The following KDM2B variants were observed in gnomAD, a reference collection of about 807,000 sequenced individuals.
KDM2B encodes the protein lysine-specific demethylase 2B.
Under a neutral mutation model 150.0 loss-of-function variants are expected in KDM2B, and 26 were observed. The observed-to-expected ratio is 0.17, with a 90% CI of 0.13 to 0.24. The LOEUF is 0.24. KDM2B is among the 10% of genes least tolerant of loss of function. KDM2B has a pLI of 1.00. For synonymous variants in KDM2B, 734 were observed against 729.5 expected (o/e 1.01, Z -0.10); for missense variants, 1,265 against 1,816.9 (o/e 0.70, Z 5.52).
chr12:121,444,652 T>G (rs1481703692), intron 14 of KDM2B, 116 bp from the exon 15 acceptor site: 2 of 812,682 alleles, frequency 2.5e-6, no homozygotes, highest in Non-Finnish European at 4.2e-6. Flanking sequence ...CAACGTCACA[T>G]CTATCCCGTT....
the KDM2B span, chr12:121,423,321 T>C: frequency 1.5e-6 from 2 of 1,360,024 alleles, no homozygotes; most frequent in Non-Finnish European, 1.0e-6. The surrounding 1 kb of genome is among the most constrained non-coding windows in gnomAD (Gnocchi z 4.3). Context: ...AGCTTCGGAC[T>C]GGGAGGGTGG....
intron 10 of KDM2B, among the ~76,000 whole-genome samples, chr12:121,511,275 C>T (rs1432121583): frequency 2.7e-5 from 4 of 146,400 alleles, no homozygotes; most frequent in African/African-American, 1.0e-4. Context: ...TCCCAAAATG[C>T]TAGGAATTTT....
rs782541016 is a variant in KDM2B, at chr12:121,580,834, C to CT, written c.77dup (p.Lys27GlufsTer10). On this transcript the variant is annotated frameshift_variant, in exon 1 of 23. Coordinates refer to ENST00000377071, the MANE Select transcript of KDM2B (RefSeq NM_032590.5). LOFTEE classifies it high-confidence loss of function. The stretch of plus-strand genomic sequence containing the variant: ...AGCATTTTGTATATATAACTGTTTT[C>CT]TTTTTTTGCTTTTCTGCTGCATGTC... The CT allele has an allele frequency of 3.1e-6, 5 of 1,614,012 alleles. No individual in the cohort carries two copies. The South Asian group carries it at 5.5e-5, about 18-fold the overall frequency.
intron 6 of KDM2B, among the ~76,000 whole-genome samples, chr12:121,538,199 C>A (rs1183664792): frequency 6.6e-6 from 1 of 152,036 alleles, no homozygotes; most frequent in East Asian, 1.9e-4. Flanking sequence ...CGGGAAGCAA[C>A]GCGGGCCGGC....
At chr12:121,482,459 C>G (rs1343649908) in intron 12 of KDM2B, among the ~76,000 whole-genome samples, 2 of 152,246 alleles carry the variant, frequency 1.3e-5, no homozygotes, top group East Asian at 1.9e-4. Context: ...CCCGCCACCA[C>G]GCCCAGCTAA....
intron 12 of KDM2B, among the ~76,000 whole-genome samples, chr12:121,458,400 TAAAAAC>T (rs1367596691): frequency 1.3e-5 from 2 of 148,360 alleles, no homozygotes; most frequent in South Asian, 2.1e-4. Flanking sequence ...ATTAAAAAAA[TAAAAAC>T]AAAACAAAAA....
intron 12 of KDM2B, among the ~76,000 whole-genome samples, chr12:121,477,429 G>A (rs1452005220): frequency 3.3e-5 from 5 of 151,844 alleles, no homozygotes; most frequent in African/African-American, 7.3e-5. Context: ...TGTCACCTAC[G>A]CTGGAGTGCA....
At chr12:121,522,213 A>T (rs1886749865) in intron 8 of KDM2B, among the ~76,000 whole-genome samples, 1 of 151,944 alleles carries the variant, frequency 6.6e-6, no homozygotes, top group Non-Finnish European at 1.5e-5. Context: ...GAAATCCCGA[A>T]AAAGTATATA....
chr12:121,517,005 C>T (rs531633421), intron 9 of KDM2B: 12 of 583,562 alleles, frequency 2.1e-5, no homozygotes, highest in Admixed American at 1.3e-4. Flanking sequence ...ATTACCTTTT[C>T]TGGGAAGGCT....
chr12:121,560,414 T>C (rs1385960572), intron 4 of KDM2B, among the ~76,000 whole-genome samples: 1 of 152,152 alleles, frequency 6.6e-6, no homozygotes, highest in Non-Finnish European at 1.5e-5. Flanking sequence ...AAACAGAAGC[T>C]TTGATGACAG....
chr12:121,524,773 C>T, intron 8 of KDM2B: 1 of 427,172 alleles, frequency 2.3e-6, no homozygotes, highest in South Asian at 1.6e-5. Context: ...CCTCCTGCTT[C>T]CAGCCAGAGT....
intron 11 of KDM2B, among the ~76,000 whole-genome samples, chr12:121,498,920 C>A (rs1219758279): frequency 6.6e-6 from 1 of 152,024 alleles, no homozygotes; most frequent in Admixed American, 6.6e-5. Context: ...TCAAGCAATT[C>A]TCCCACCTCA....
chr12:121,557,392 C>T (rs530263110), intron 4 of KDM2B, among the ~76,000 whole-genome samples: 22 of 152,154 alleles, frequency 1.4e-4, no homozygotes, highest in African/African-American at 5.3e-4. Flanking sequence ...CGCCTACCAC[C>T]ACTTCCGGCT....
intron 6 of KDM2B, among the ~76,000 whole-genome samples, chr12:121,541,442 G>A (rs1313838336): frequency 6.8e-6 from 1 of 148,146 alleles, no homozygotes; most frequent in Non-Finnish European, 1.5e-5. Context: ...AAGGAGGGAG[G>A]GAGGGAGGGA....
At position 121,503,544 on chromosome 12, in the gene KDM2B, T is replaced by C. The variant is rs576585359; in HGVS notation, c.1647+6023A>G. On this transcript the variant is annotated intron_variant, in intron 11 of 22. Transcript: ENST00000377071. ...CCAGGGTGGCCTCAAACTCCTGAGC[T>C]CCAGCCACCCTCCCACTTTGGCCTC... Among the ~76,000 whole-genome samples the C allele has an allele frequency of 2.0e-5, 3 of 152,224 alleles. No individual in the cohort carries two copies. In the South Asian group the frequency reaches 6.2e-4, roughly 32 times the overall value.
chr12:121,508,088 T>C (rs1885255433), intron 11 of KDM2B, among the ~76,000 whole-genome samples: 1 of 152,070 alleles, frequency 6.6e-6, no homozygotes, highest in African/African-American at 2.4e-5. Flanking sequence ...TTAGTATGGT[T>C]GTTTTGGGTT....
chr12:121,525,322 A>G (rs1887033574), intron 8 of KDM2B, among the ~76,000 whole-genome samples: 1 of 152,086 alleles, frequency 6.6e-6, no homozygotes, highest in Non-Finnish European at 1.5e-5. Context: ...GCTGGAGTGC[A>G]GTGGTGCCAT....
At chr12:121,428,182 G>A (rs574964379), downstream of KDM2B, among the ~76,000 whole-genome samples, 18 of 152,132 alleles carry the variant, frequency 1.2e-4, no homozygotes, top group East Asian at 3.1e-3. Context: ...CAGGAGACAT[G>A]TATCTAGATG....
intron 4 of KDM2B, among the ~76,000 whole-genome samples, chr12:121,565,654 TCGTTCTGTTGCC>T (rs1176198089): frequency 4.0e-5 from 6 of 150,882 alleles, no homozygotes; most frequent in African/African-American, 1.5e-4. Context: ...AGATGGAGTC[TCGTTCTGTTGCC>T]CAGGCTGGAG....
Sources: gnomAD v4.1 joint callset for allele counts (sites outside exome capture counted in the v4.1 genomes callset) on GRCh38, gnomAD v4.1.1 for gene constraint, Gnocchi (gnomAD v3.1) non-coding constraint, MANE v1.5 for transcripts, NCBI Gene and HGNC (gene_info 2026-07-23, HGNC 2026-07-21) for gene names.